Variants in MARK3 observed in about 807,000 individuals in gnomAD.
MARK3 encodes microtubule affinity regulating kinase 3.
In MARK3, 46 loss-of-function variants were observed where a neutral mutation model predicts 90.1. That is an observed-to-expected ratio of 0.51 (90% CI 0.40 to 0.65). The LOEUF (loss-of-function observed/expected upper bound fraction) is 0.65, where lower values mean the gene tolerates loss of function less well. Among genes scored for constraint, MARK3 ranks in the 30% least tolerant of loss-of-function variants. MARK3 has a pLI of 0.00. For missense variants in MARK3, 818 were observed against 947.2 expected (o/e 0.86, Z 1.79); for synonymous variants, 321 against 332.6 (o/e 0.97, Z 0.38).
At chr14:103,472,938 G>A (rs34216351) in intron 12 of MARK3, among the ~76,000 whole-genome samples, 39,589 of 151,712 alleles carry the variant, frequency 0.26, 6,433 homozygotes, top group Middle Eastern at 0.45. Context: ...CCTGGGAGGT[G>A]GAGGTTGCAG....
chr14:103,409,091 A>G (rs930096756), intron 2 of MARK3, among the ~76,000 whole-genome samples: 1 of 152,154 alleles, frequency 6.6e-6, no homozygotes, highest in Non-Finnish European at 1.5e-5. Context: ...GATTTACATT[A>G]TCTAGAGTCT....
intron 12 of MARK3, among the ~76,000 whole-genome samples, chr14:103,470,045 G>A (rs1048549266): frequency 2.0e-5 from 3 of 146,532 alleles, no homozygotes; most frequent in Non-Finnish European, 4.5e-5. Flanking sequence ...TAGTGACAGA[G>A]TGAGAGTCCA....
Position 103,481,757 on chromosome 14 carries a change from CTTTTTTTT to C in MARK3, c.1586+1287_1586+1294del, listed in dbSNP as rs71126030. Among the ~76,000 whole-genome samples, 133 of 49,804 alleles carry C rather than the reference CTTTTTTTT, an allele frequency of 2.7e-3. 1 individual carries two copies. Among genetic ancestry groups the C allele is most frequent in the African/African-American group, 0.01 (121 of 11,530 alleles). The allele number at this position is 49,804 out of a possible 152,430, so 32.7% of individuals were successfully genotyped here. On this transcript the variant is annotated intron_variant, in intron 14 of 17. Coordinates refer to ENST00000429436, the MANE Select transcript of MARK3 (RefSeq NM_001128918.3). ...CAGATAATGATTGATATAGGTATTT[CTTTTTTTT>C]TTTTTTTTTTTTTTTTTTTGAGACA...
chr14:103,407,968 T>C (rs2091413919), intron 2 of MARK3, among the ~76,000 whole-genome samples: 1 of 152,118 alleles, frequency 6.6e-6, no homozygotes, highest in East Asian at 1.9e-4. Context: ...CATTGACAAA[T>C]CCCCTTTCCC....
chr14:103,385,819 C>A lies in MARK3; in HGVS notation c.-211C>A. ...GCCCTCCCGGTCTCCTCGCCTCGGC[C>A]GCCGAGGCAGGGAGAGAATGAGCCC... On this transcript the variant is annotated 5_prime_UTR_variant, in exon 1 of 18. Coordinates refer to ENST00000429436, the MANE Select transcript of MARK3 (RefSeq NM_001128918.3). The A allele has an allele frequency of 2.2e-6, 1 of 444,480 alleles. No individual in the cohort carries two copies. Among genetic ancestry groups the A allele is most frequent in the Non-Finnish European group, 3.9e-6 (1 of 253,416 alleles). 27.5% of individuals were successfully genotyped at this position (444,480 alleles called of 1,614,324 possible).
intron 12 of MARK3, among the ~76,000 whole-genome samples, chr14:103,470,654 C>G (rs1052871242): frequency 6.6e-6 from 1 of 151,472 alleles, no homozygotes; most frequent in East Asian, 1.9e-4. Flanking sequence ...CGGGGTTTCA[C>G]CACATTTGGC....
chr14:103,439,409 GTGTT>G (rs542056890), intron 3 of MARK3, among the ~76,000 whole-genome samples: 83 of 151,974 alleles, frequency 5.5e-4, no homozygotes, highest in Non-Finnish European at 1.1e-3. Flanking sequence ...TGTTTCTTTT[GTGTT>G]TGTTTGTTTG....
chr14:103,408,036 G>C (rs2091418484), intron 2 of MARK3, among the ~76,000 whole-genome samples: 1 of 152,104 alleles, frequency 6.6e-6, no homozygotes, highest in Non-Finnish European at 1.5e-5. Context: ...AATTTACATT[G>C]TATTGGAATT....
At chr14:103,470,451 A>AACTTTTTTTTTTTTTTTTT (rs2093603090) in intron 12 of MARK3, among the ~76,000 whole-genome samples, 1 of 19,334 alleles carries the variant, frequency 5.2e-5, no homozygotes, top group Non-Finnish European at 1.5e-4. Flanking sequence ...CAGGAACTAA[A>AACTTTTTTTTTTTTTTTTT]TCTATTTTTT....
At chr14:103,427,164 C>CTTT (rs71126020) in intron 2 of MARK3, among the ~76,000 whole-genome samples, 1 of 145,174 alleles carries the variant, frequency 6.9e-6, no homozygotes, top group Non-Finnish European at 1.5e-5. Context: ...CCCCAATTTT[C>CTTT]TTTTTTTTTT....
At chr14:103,434,457 C>T (rs971121710) in intron 3 of MARK3, among the ~76,000 whole-genome samples, 4 of 152,118 alleles carry the variant, frequency 2.6e-5, no homozygotes, top group African/African-American at 4.8e-5. Flanking sequence ...AAGAGGTAGG[C>T]ATTAGTAAGG....
At chr14:103,403,866 A>T (rs1026031241) in intron 1 of MARK3, among the ~76,000 whole-genome samples, 1 of 152,216 alleles carries the variant, frequency 6.6e-6, no homozygotes, top group Non-Finnish European at 1.5e-5. Flanking sequence ...AGTTGCCTAG[A>T]TTTGCAGTGA....
intron 12 of MARK3, among the ~76,000 whole-genome samples, chr14:103,471,360 A>G (rs1190239619): frequency 1.3e-5 from 2 of 152,112 alleles, no homozygotes; most frequent in African/African-American, 4.8e-5. Flanking sequence ...CACTCACCAA[A>G]CCTCTGTTTT....
rs531994112 is a variant in MARK3, at chr14:103,387,181, T to A, written c.51+1101T>A. On this transcript the variant is annotated intron_variant, in intron 1 of 17. Coordinates refer to ENST00000429436, the MANE Select transcript of MARK3 (RefSeq NM_001128918.3). ...ATGCTTTCAGTAATGTCCTGAGATG[T>A]TGTGGCCTAGTGGAGTTAATGCTTT... 3.3e-5 allele frequency among the ~76,000 whole-genome samples: 5 copies of A among 152,356 alleles called. No individual in the cohort carries two copies. In the South Asian group the frequency reaches 1.0e-3, roughly 32 times the overall value.
Position 103,386,050 on chromosome 14 carries a change from G to A in MARK3, c.21G>A (p.Leu7=). Residue 7 remains leucine (L), a synonymous_variant, in exon 1 of 18, where the codon TTG becomes TTA. Coordinates refer to ENST00000429436, the MANE Select transcript of MARK3 (RefSeq NM_001128918.3). ...GTAAAATGTCCACTAGGACCCCATT[G>A]CCAACGGTGAATGAACGAGACACTG... MSTRTP[L]PTVNERDTEN... 3 of 1,614,218 alleles carry A rather than the reference G, an allele frequency of 1.9e-6. No individual in the cohort carries two copies. Among genetic ancestry groups the A allele is most frequent in the African/African-American group, 1.3e-5 (1 of 75,076 alleles).
At chr14:103,423,286 G>A (rs187266804) in intron 2 of MARK3, among the ~76,000 whole-genome samples, 233 of 143,080 alleles carry the variant, frequency 1.6e-3, no homozygotes, top group Non-Finnish European at 2.7e-3. Context: ...TTTGACCGTT[G>A]GTGAACCAAC....
rs1595540126 is a variant in MARK3 at position 103,412,733 on chromosome 14, A to G, written c.243+7466A>G. ...CAGGACTTCCTGCACCGCCTCATCC[A>G]GGGTGTCGTGAGAGACTTTGCTGCT... On this transcript the variant is annotated intron_variant, in intron 2 of 17. Coordinates refer to ENST00000429436, the MANE Select transcript of MARK3 (RefSeq NM_001128918.3). 20 of 563,066 alleles carry G rather than the reference A, an allele frequency of 3.6e-5. 1 individual carries two copies. The highest frequency in any genetic ancestry group is 2.1e-4 in the South Asian group (14 of 65,398). The allele number at this position is 563,066 out of a possible 1,614,324, so 34.9% of individuals were successfully genotyped here.
intron 12 of MARK3, among the ~76,000 whole-genome samples, chr14:103,473,342 A>C (rs10141388): frequency 1.3e-5 from 2 of 152,054 alleles, no homozygotes; most frequent in African/African-American, 4.8e-5. Flanking sequence ...AATTAGTGCA[A>C]GTAAAACTGG....
chr14:103,424,912 G>A (rs1009675495), intron 2 of MARK3, among the ~76,000 whole-genome samples: 4 of 151,984 alleles, frequency 2.6e-5, no homozygotes, highest in Admixed American at 1.3e-4. Context: ...AGTGTTCAAG[G>A]CCTCAGATCA....
Sources: gnomAD v4.1 joint callset for allele counts (sites outside exome capture counted in the v4.1 genomes callset) on GRCh38, gnomAD v4.1.1 for gene constraint, MANE v1.5 for transcripts, NCBI Gene and HGNC (gene_info 2026-07-23, HGNC 2026-07-21) for gene names.